HDAC9: variants seen among roughly 807,000 people sequenced by gnomAD.
HDAC9 encodes MEF-2 interacting transcription repressor (MITR) protein.
In HDAC9, 41 loss-of-function variants were observed where a neutral mutation model predicts 139.4. The observed-to-expected ratio is 0.29, with a 90% CI of 0.23 to 0.38. The LOEUF (loss-of-function observed/expected upper bound fraction) is 0.38, where lower values mean the gene tolerates loss of function less well. Ranked by LOEUF, HDAC9 falls within the 10% of genes least tolerant of loss-of-function variation. The pLI is 1.00. For missense variants in HDAC9, 1,147 were observed against 1,297.0 expected (o/e 0.88, Z 1.78); for synonymous variants, 517 against 476.2 (o/e 1.09, Z -1.12).
At chr7:18,668,457 C>T in intron 12 of HDAC9, 1 of 965,806 alleles carries the variant, frequency 1.0e-6, no homozygotes, top group Non-Finnish European at 1.2e-6. Flanking sequence ...TTTTAAAATA[C>T]ATTTTATTTG....
chr7:18,576,783 A>G (rs1404743475), intron 2 of HDAC9, among the ~76,000 whole-genome samples: 2 of 152,194 alleles, frequency 1.3e-5, no homozygotes, highest in African/African-American at 4.8e-5. Context: ...ATACAGGGAT[A>G]CTGGAGAAAA....
chr7:18,233,702 C>T (rs1793627009), intron 2 of HDAC9, among the ~76,000 whole-genome samples: 1 of 152,134 alleles, frequency 6.6e-6, no homozygotes, highest in Non-Finnish European at 1.5e-5. Flanking sequence ...ACACACAGAC[C>T]TTCCTCCTTC....
intron 23 of HDAC9, among the ~76,000 whole-genome samples, chr7:18,946,036 C>CAAAATAAAAAA (rs1563077235): frequency 2.6e-4 from 10 of 38,276 alleles, no homozygotes; most frequent in Non-Finnish European, 4.1e-4. Context: ...GACTCCGTCT[C>CAAAATAAAAAA]AAAAAAAAAA....
intron 22 of HDAC9, among the ~76,000 whole-genome samples, chr7:18,888,215 A>C (rs1800341533): frequency 6.6e-6 from 1 of 152,070 alleles, no homozygotes; most frequent in South Asian, 2.1e-4. Context: ...AGGTGAGGAG[A>C]TCGAGACCAT....
At chr7:18,852,358 C>A (rs893956270) in intron 21 of HDAC9, among the ~76,000 whole-genome samples, 2 of 152,102 alleles carry the variant, frequency 1.3e-5, no homozygotes, top group Admixed American at 1.3e-4. Flanking sequence ...CCTGGCATGT[C>A]CAGGAACTTG....
chr7:18,858,608 T>C (rs1391899689), intron 21 of HDAC9, among the ~76,000 whole-genome samples: 1 of 152,170 alleles, frequency 6.6e-6, no homozygotes, highest in Non-Finnish European at 1.5e-5. Flanking sequence ...ACATTTCCTA[T>C]CTAGAATGTT....
chr7:18,433,520 A>G (rs952403454), intron 1 of HDAC9, among the ~76,000 whole-genome samples: 5 of 152,200 alleles, frequency 3.3e-5, no homozygotes, highest in Admixed American at 6.5e-5. Flanking sequence ...CTCAAAAGCT[A>G]TAGTCTCTGC....
At chr7:18,988,186 T>C (rs577147829) in intron 25 of HDAC9, among the ~76,000 whole-genome samples, 1 of 152,350 alleles carries the variant, frequency 6.6e-6, no homozygotes, top group East Asian at 1.9e-4. Context: ...TCCTGCTTTC[T>C]CTTGTGGGCA....
At chr7:18,720,939 C>G (rs143404894) in intron 12 of HDAC9, among the ~76,000 whole-genome samples, 1 of 152,240 alleles carries the variant, frequency 6.6e-6, no homozygotes, top group Non-Finnish European at 1.5e-5. Flanking sequence ...CTTGGCCTCC[C>G]AAAGTGCTGC....
chr7:18,990,039 C>T (rs1785740519), intron 25 of HDAC9, among the ~76,000 whole-genome samples: 1 of 152,108 alleles, frequency 6.6e-6, no homozygotes, highest in Non-Finnish European at 1.5e-5. Flanking sequence ...CGTCTGAAGC[C>T]TTCTTCTCTC....
At chr7:18,770,410 C>T (rs1264134751) in intron 16 of HDAC9, among the ~76,000 whole-genome samples, 1 of 152,112 alleles carries the variant, frequency 6.6e-6, no homozygotes, top group Non-Finnish European at 1.5e-5. Context: ...TGCAGGATCT[C>T]TTCAGTTCTC....
At chr7:18,880,848 G>C (rs564046579) in intron 22 of HDAC9, among the ~76,000 whole-genome samples, 83 of 150,862 alleles carry the variant, frequency 5.5e-4, no homozygotes, top group African/African-American at 1.8e-3. Flanking sequence ...GTTGCCGGGG[G>C]GGGGGGAACC....
intron 25 of HDAC9, among the ~76,000 whole-genome samples, chr7:18,977,982 C>A (rs75512519): frequency 0.13 from 20,144 of 150,592 alleles, 1,457 homozygotes; most frequent in Middle Eastern, 0.18. Context: ...AGAGAATGCT[C>A]TGAAAAGCCA....
chr7:18,199,176 A>G (rs1790928852), intron 2 of HDAC9, among the ~76,000 whole-genome samples: 1 of 152,200 alleles, frequency 6.6e-6, no homozygotes, highest in Non-Finnish European at 1.5e-5. Context: ...GAATAGTGTC[A>G]CAGCAAGAAT....
intron 17 of HDAC9, among the ~76,000 whole-genome samples, chr7:18,819,766 T>C (rs1794828018): frequency 6.6e-6 from 1 of 152,236 alleles, no homozygotes; most frequent in Non-Finnish European, 1.5e-5. Context: ...GTTCTATTAT[T>C]AGTCATGTTC....
intron 2 of HDAC9, among the ~76,000 whole-genome samples, chr7:18,228,243 AT>A (rs1313987128): frequency 6.6e-6 from 1 of 151,916 alleles, no homozygotes; most frequent in African/African-American, 2.4e-5. Flanking sequence ...TTTTATTTCT[AT>A]TGTTGCCAAG....
intron 14 of HDAC9, among the ~76,000 whole-genome samples, chr7:18,751,095 C>T (rs1788406252): frequency 6.6e-6 from 1 of 152,120 alleles, no homozygotes; most frequent in South Asian, 2.1e-4. Flanking sequence ...ATTAGAAAGT[C>T]TATTATCATC....
At chr7:18,713,169 T>A (rs1157214202) in intron 12 of HDAC9, among the ~76,000 whole-genome samples, 5 of 152,120 alleles carry the variant, frequency 3.3e-5, no homozygotes, top group Non-Finnish European at 5.9e-5. Flanking sequence ...TTGTGAGAAA[T>A]GAGTGTCATA....
chr7:18,642,866 T>A (rs1351197649), intron 8 of HDAC9, among the ~76,000 whole-genome samples: 1 of 152,112 alleles, frequency 6.6e-6, no homozygotes. Flanking sequence ...AACTCTTTTG[T>A]GAGGTCTATG....
Sources: allele counts gnomAD v4.1 joint callset (sites outside exome capture counted in the v4.1 genomes callset), GRCh38; gene constraint gnomAD v4.1.1; transcripts MANE v1.5; gene names NCBI Gene and HGNC (gene_info 2026-07-23, HGNC 2026-07-21).